HYCC2: variants seen among roughly 807,000 people sequenced by gnomAD.
HYCC2 encodes hyccin 2.
chr2:200,980,240 T>A, the HYCC2 span: 1 of 152,584 alleles, frequency 6.6e-6, no homozygotes, highest in Non-Finnish European at 1.5e-5. Context: ...TCTCTTATAG[T>A]CTGACATAAC....
At chr2:201,071,635 C>T in the HYCC2 span, 1 of 154,266 alleles carries the variant, frequency 6.5e-6, no homozygotes, top group East Asian at 1.9e-4. Flanking sequence ...CTCCGGCTTC[C>T]TACCGCCGCC....
At chr2:201,014,984 A>G in the HYCC2 span, among the ~76,000 whole-genome samples, 3 of 152,182 alleles carry the variant, frequency 2.0e-5, no homozygotes, top group Admixed American at 2.0e-4. Context: ...ATATTATCAA[A>G]TAACTATTAA....
the HYCC2 span, chr2:200,988,335 A>G: frequency 1.9e-5 from 30 of 1,613,868 alleles, no homozygotes; most frequent in Non-Finnish European, 2.5e-5. Flanking sequence ...GCACTGTTGG[A>G]GTGACTTCAA....
At chr2:201,008,748 A>T in the HYCC2 span, among the ~76,000 whole-genome samples, 1 of 152,064 alleles carries the variant, frequency 6.6e-6, no homozygotes, top group Non-Finnish European at 1.5e-5. Flanking sequence ...TAAAAAAAAA[A>T]TTGGCCAGGC....
the HYCC2 span, among the ~76,000 whole-genome samples, chr2:201,031,772 T>C: frequency 6.6e-6 from 1 of 152,224 alleles, no homozygotes; most frequent in Non-Finnish European, 1.5e-5. Context: ...AATATGATAT[T>C]AGATTAAAAT....
At chr2:200,997,307 CT>C in the HYCC2 span, 1 of 600,634 alleles carries the variant, frequency 1.7e-6, no homozygotes, top group Admixed American at 3.0e-5. Flanking sequence ...AGGATAAGGA[CT>C]CCTACAGGAA....
the HYCC2 span, among the ~76,000 whole-genome samples, chr2:201,037,939 A>G: frequency 0.031 from 4,757 of 152,282 alleles, 223 homozygotes; most frequent in African/African-American, 0.11. Flanking sequence ...AGAAACTACC[A>G]TCAGAGTGAA....
At chr2:201,046,464 G>T in the HYCC2 span, among the ~76,000 whole-genome samples, 1 of 152,120 alleles carries the variant, frequency 6.6e-6, no homozygotes, top group South Asian at 2.1e-4. Flanking sequence ...AGTATCTCTG[G>T]AAAGACACAA....
At chr2:200,998,458 T>C in the HYCC2 span, among the ~76,000 whole-genome samples, 19 of 152,218 alleles carry the variant, frequency 1.2e-4, no homozygotes, top group Non-Finnish European at 2.2e-4. Context: ...AGCTCTAACA[T>C]AGCATTTATC....
chr2:200,976,538 T>G, the HYCC2 span: 1 of 152,206 alleles, frequency 6.6e-6, no homozygotes, highest in Non-Finnish European at 1.5e-5. Flanking sequence ...CATTAAAATA[T>G]TCACAAAAGT....
At chr2:201,033,394 T>C in the HYCC2 span, among the ~76,000 whole-genome samples, 1 of 150,486 alleles carries the variant, frequency 6.6e-6, no homozygotes, top group African/African-American at 2.4e-5. Flanking sequence ...TATTTTATTT[T>C]ATTTTATTTT....
At chr2:201,060,282 A>G in the HYCC2 span, among the ~76,000 whole-genome samples, 1 of 152,128 alleles carries the variant, frequency 6.6e-6, no homozygotes, top group East Asian at 1.9e-4. Context: ...TCCAATATAG[A>G]TCCTTACTCC....
chr2:201,030,962 T>C, the HYCC2 span, among the ~76,000 whole-genome samples: 1 of 152,194 alleles, frequency 6.6e-6, no homozygotes, highest in African/African-American at 2.4e-5. Flanking sequence ...CAGATTGTTT[T>C]CAATTTTCTT....
the HYCC2 span, among the ~76,000 whole-genome samples, chr2:201,034,969 C>G: frequency 1.3e-5 from 2 of 152,156 alleles, no homozygotes; most frequent in Admixed American, 1.3e-4. Context: ...GCTGAGAGAT[C>G]CGCTGTTAGT....
chr2:201,036,639 A>G, the HYCC2 span, among the ~76,000 whole-genome samples: 1 of 152,242 alleles, frequency 6.6e-6, no homozygotes, highest in East Asian at 1.9e-4. Flanking sequence ...AACCAAAGAC[A>G]AAAACCACAT....
the HYCC2 span, chr2:200,997,414 T>A: frequency 1.0e-5 from 14 of 1,382,438 alleles, no homozygotes; most frequent in Non-Finnish European, 1.4e-5. Context: ...ATCAAATAAA[T>A]ATGAAGATTA....
At chr2:200,981,392 T>G in the HYCC2 span, 29 of 1,614,180 alleles carry the variant, frequency 1.8e-5, no homozygotes, top group Non-Finnish European at 2.4e-5. The surrounding 1 kb of genome is among the most constrained non-coding windows in gnomAD (Gnocchi z 4.5). Flanking sequence ...TCCTGCAGAC[T>G]GACAGTTGAG....
chr2:201,006,929 A>G, the HYCC2 span, among the ~76,000 whole-genome samples: 39 of 152,240 alleles, frequency 2.6e-4, no homozygotes, highest in Admixed American at 7.2e-4. Context: ...ATAGTGCTGC[A>G]CAAGTTTACC....
chr2:201,063,292 G>A, the HYCC2 span: 29 of 1,542,690 alleles, frequency 1.9e-5, no homozygotes, highest in Non-Finnish European at 2.5e-5. Context: ...TGAAGGAGGT[G>A]GAGGCAGCTA....
Sources: allele counts gnomAD v4.1 joint callset (sites outside exome capture counted in the v4.1 genomes callset), GRCh38; gene constraint gnomAD v4.1.1; non-coding constraint Gnocchi (gnomAD v3.1); transcripts MANE v1.5; gene names NCBI Gene and HGNC (gene_info 2026-07-23, HGNC 2026-07-21).